The following SLC49A4 variants were observed in gnomAD, a reference collection of about 807,000 sequenced individuals.
SLC49A4 encodes disrupted in renal cancer protein 2.
In SLC49A4, 36 loss-of-function variants were observed where a neutral mutation model predicts 50.6. That is an observed-to-expected ratio of 0.71 (90% CI 0.55 to 0.94). The LOEUF is 0.94. Among genes scored for constraint, SLC49A4 ranks in the 40% least tolerant of loss-of-function variants. The pLI is 0.00. For synonymous variants in SLC49A4, 248 were observed against 241.2 expected (o/e 1.03, Z -0.26); for missense variants, 503 against 605.7 (o/e 0.83, Z 1.78).
Position 122,860,128 on chromosome 3 carries a change from CG to C in SLC49A4, c.1067del (p.Gly356GlufsTer11). 6.2e-7 allele frequency: 1 copy of C among 1,613,210 alleles called. No individual in the cohort carries two copies. The highest frequency in any genetic ancestry group is 8.5e-7 in the Non-Finnish European group (1 of 1,179,566). On this transcript the variant is annotated frameshift_variant, in exon 7 of 9. Transcript: ENST00000261038. LOFTEE classifies it high-confidence loss of function. Reference sequence around the variant, plus strand: ...AAACTAATTCTTCTCCTCCTGTTTTCGGGAGCTACACTGTCATCCACGTGGT... The same window carrying C: ...AAACTAATTCTTCTCCTCCTGTTTTCGGAGCTACACTGTCATCCACGTGGT... ...MLKLILLLLF[S>X]GATLSSTWFT... is the part of the protein sequence containing the mutation.
At chr3:122,856,866 A>G (rs548474182) in intron 6 of SLC49A4, among the ~76,000 whole-genome samples, 3 of 151,882 alleles carry the variant, frequency 2.0e-5, no homozygotes, top group East Asian at 3.9e-4. Flanking sequence ...ATTTGCTGCT[A>G]TAAGAAAGTT....
chr3:122,831,253 A>C (rs1019038246), intron 3 of SLC49A4, among the ~76,000 whole-genome samples: 1 of 152,166 alleles, frequency 6.6e-6, no homozygotes, highest in African/African-American at 2.4e-5. Context: ...ATTACCATAC[A>C]ATCCAGAAAT....
At chr3:122,847,748 T>C (rs1320591812) in intron 5 of SLC49A4, among the ~76,000 whole-genome samples, 1 of 152,060 alleles carries the variant, frequency 6.6e-6, no homozygotes, top group Non-Finnish European at 1.5e-5. Context: ...TACATAAAAT[T>C]AAAAAAATTA....
intron 4 of SLC49A4, among the ~76,000 whole-genome samples, chr3:122,844,630 A>C (rs1237157188): frequency 1.3e-5 from 2 of 152,018 alleles, no homozygotes; most frequent in African/African-American, 4.8e-5. Flanking sequence ...AAAAATACAA[A>C]AATTAGCTGG....
At position 122,833,558 on chromosome 3, in the gene SLC49A4, G is replaced by T. The variant is rs978643694; in HGVS notation, c.833+112G>T. The T allele has an allele frequency of 2.0e-5, 19 of 943,558 alleles. No individual in the cohort carries two copies. In the Admixed American group the frequency reaches 5.3e-4, roughly 26 times the overall value. The allele number at this position is 943,558 out of a possible 1,614,324, so 58.4% of individuals were successfully genotyped here. ...TTTTCAGCAACCTATTAATTAGGTT[G>T]TAAGTAATTGATAAAATACTAATTG... On this transcript the variant is annotated intron_variant, in intron 4 of 8. Coordinates refer to ENST00000261038, the MANE Select transcript of SLC49A4 (RefSeq NM_032839.3).
intron 4 of SLC49A4, among the ~76,000 whole-genome samples, chr3:122,838,546 G>C (rs1368237694): frequency 7.0e-6 from 1 of 142,812 alleles, no homozygotes; most frequent in Non-Finnish European, 1.5e-5. Context: ...TCACACACCA[G>C]GGACTGTTGT....
At chr3:122,807,158 G>A (rs1560194593) in intron 2 of SLC49A4, among the ~76,000 whole-genome samples, 1 of 151,738 alleles carries the variant, frequency 6.6e-6, no homozygotes, top group Non-Finnish European at 1.5e-5. Flanking sequence ...TATTGTCCAG[G>A]AACAATAATA....
At chr3:122,797,626 C>T (rs1156309614) in intron 1 of SLC49A4, among the ~76,000 whole-genome samples, 2 of 152,162 alleles carry the variant, frequency 1.3e-5, no homozygotes. Context: ...AAGGGCTTCT[C>T]CTACCAAAGG....
intron 1 of SLC49A4, among the ~76,000 whole-genome samples, chr3:122,797,121 T>C (rs1303316565): frequency 2.0e-5 from 3 of 152,192 alleles, no homozygotes; most frequent in Non-Finnish European, 4.4e-5. Context: ...GAATAGTTGA[T>C]TGTGAATTCC....
chr3:122,803,427 A>G (rs576955219), intron 1 of SLC49A4, among the ~76,000 whole-genome samples: 1 of 152,296 alleles, frequency 6.6e-6, no homozygotes, highest in South Asian at 2.1e-4. Flanking sequence ...TCATTAGGGG[A>G]TGTATAAAGC....
At chr3:122,857,854 G>T (rs1366692688) in intron 6 of SLC49A4, among the ~76,000 whole-genome samples, 2 of 152,066 alleles carry the variant, frequency 1.3e-5, no homozygotes, top group Non-Finnish European at 2.9e-5. Flanking sequence ...TATCAAAAAT[G>T]ATGTCTCAAA....
chr3:122,859,589 G>A (rs1576308925), intron 6 of SLC49A4, among the ~76,000 whole-genome samples: 1 of 152,324 alleles, frequency 6.6e-6, no homozygotes, highest in East Asian at 1.9e-4. Context: ...GCTCATGCCT[G>A]TAATACCAGC....
intron 8 of SLC49A4, among the ~76,000 whole-genome samples, chr3:122,873,395 G>T (rs1409111784): frequency 1.3e-5 from 2 of 152,050 alleles, no homozygotes; most frequent in Admixed American, 6.5e-5. Flanking sequence ...GGCCAGGCTG[G>T]TCTGGAGCTC....
At chr3:122,825,958 G>GA (rs1310077358) in intron 2 of SLC49A4, among the ~76,000 whole-genome samples, 1 of 152,134 alleles carries the variant, frequency 6.6e-6, no homozygotes, top group Non-Finnish European at 1.5e-5. Context: ...AAATGGAATG[G>GA]AAAAAAGAAA....
intron 8 of SLC49A4, among the ~76,000 whole-genome samples, chr3:122,873,516 CTGGGTTT>C (rs1267989953): frequency 6.6e-6 from 1 of 152,184 alleles, no homozygotes; most frequent in Non-Finnish European, 1.5e-5. Flanking sequence ...ATAATTATCC[CTGGGTTT>C]TGGACAACTT....
intron 8 of SLC49A4, among the ~76,000 whole-genome samples, chr3:122,875,308 A>G (rs954175145): frequency 6.6e-6 from 1 of 152,158 alleles, no homozygotes; most frequent in Non-Finnish European, 1.5e-5. Flanking sequence ...GAAGTTAATT[A>G]TATGTCAAAA....
At chr3:122,848,190 G>A (rs536438056) in intron 5 of SLC49A4, among the ~76,000 whole-genome samples, 6 of 152,056 alleles carry the variant, frequency 3.9e-5, no homozygotes, top group Non-Finnish European at 7.4e-5. Flanking sequence ...TATTATAGGC[G>A]TTAAGTTTCT....
intron 4 of SLC49A4, among the ~76,000 whole-genome samples, chr3:122,844,375 A>C (rs1936819657): frequency 6.6e-6 from 1 of 152,120 alleles, no homozygotes; most frequent in Admixed American, 6.6e-5. Context: ...ACCTGGCCAG[A>C]GCTTTTTTTA....
At chr3:122,800,525 G>A (rs12632948) in intron 1 of SLC49A4, among the ~76,000 whole-genome samples, 25,802 of 152,044 alleles carry the variant, frequency 0.17, 3,113 homozygotes, top group East Asian at 0.52. Context: ...TTTTTGGTAA[G>A]AGATATTAAA....
Sources: allele counts gnomAD v4.1 joint callset (sites outside exome capture counted in the v4.1 genomes callset), GRCh38; gene constraint gnomAD v4.1.1; transcripts MANE v1.5; gene names NCBI Gene and HGNC (gene_info 2026-07-23, HGNC 2026-07-21).